Variants in CA10 observed in about 807,000 individuals in gnomAD.
The protein encoded by CA10 is carbonic anhydrase 10 (inactive), also known as carbonic anhydrase-related protein 10.
In CA10, 14 loss-of-function variants were observed where a neutral mutation model predicts 44.2. The observed-to-expected ratio is 0.32, with a 90% CI of 0.21 to 0.50. The LOEUF (loss-of-function observed/expected upper bound fraction) is 0.50, where lower values mean the gene tolerates loss of function less well. Among genes scored for constraint, CA10 ranks in the 20% least tolerant of loss-of-function variants. The pLI is 0.99. For synonymous variants in CA10, 159 were observed against 141.6 expected, an observed-to-expected ratio of 1.12 and a Z score of -0.87; for missense variants, 350 against 409.7, an observed-to-expected ratio of 0.85 and a Z score of 1.26.
At chr17:51,849,208 T>TATATAC (rs1376191104) in intron 3 of CA10, among the ~76,000 whole-genome samples, 16 of 38,590 alleles carry the variant, frequency 4.1e-4, no homozygotes, top group African/African-American at 3.1e-3. Flanking sequence ...CATATATGTA[T>TATATAC]ATATATATAT....
chr17:51,692,366 C>CCTATCTATCTATCTAT (rs71728413), intron 4 of CA10, among the ~76,000 whole-genome samples: 1 of 141,174 alleles, frequency 7.1e-6, no homozygotes, highest in Non-Finnish European at 1.5e-5. Context: ...ACCTATCCAT[C>CCTATCTATCTATCTAT]CTATCTATCT....
At chr17:51,733,059 C>G (rs527921733) in intron 4 of CA10, among the ~76,000 whole-genome samples, 1 of 152,232 alleles carries the variant, frequency 6.6e-6, no homozygotes, top group East Asian at 1.9e-4. Flanking sequence ...CATTTGAGTG[C>G]GTTTCTGTTA....
chr17:51,862,649 C>T (rs1356331042), intron 3 of CA10, among the ~76,000 whole-genome samples: 2 of 152,108 alleles, frequency 1.3e-5, no homozygotes, highest in African/African-American at 2.4e-5. Flanking sequence ...GTTTAAACAA[C>T]AGAAATTTAT....
chr17:51,901,013 T>C (rs949029000), intron 3 of CA10, among the ~76,000 whole-genome samples: 2 of 152,174 alleles, frequency 1.3e-5, no homozygotes, highest in African/African-American at 2.4e-5. Flanking sequence ...TGTCTGTCAT[T>C]TCGGCCATTT....
At chr17:51,988,075 A>G (rs898802852) in intron 2 of CA10, among the ~76,000 whole-genome samples, 28 of 152,196 alleles carry the variant, frequency 1.8e-4, no homozygotes, top group African/African-American at 6.7e-4. Flanking sequence ...GTAATGTCAT[A>G]AGGGAAATGA....
At chr17:52,079,695 C>G (rs764811053) in intron 1 of CA10, among the ~76,000 whole-genome samples, 1 of 152,116 alleles carries the variant, frequency 6.6e-6, no homozygotes, top group African/African-American at 2.4e-5. Context: ...GGTTGACAAG[C>G]CCACACGTGC....
intron 2 of CA10, among the ~76,000 whole-genome samples, chr17:51,945,448 G>T (rs950818164): frequency 1.3e-5 from 2 of 152,124 alleles, no homozygotes; most frequent in African/African-American, 4.8e-5. Context: ...GCTAAATTCA[G>T]ATTAAATCAA....
At chr17:51,671,498 G>T (rs966205974) in intron 4 of CA10, among the ~76,000 whole-genome samples, 1 of 152,076 alleles carries the variant, frequency 6.6e-6, no homozygotes, top group South Asian at 2.1e-4. Flanking sequence ...TCCACCTCCC[G>T]GGTTCACGCC....
At chr17:51,831,857 T>C (rs2143787371) in intron 3 of CA10, among the ~76,000 whole-genome samples, 1 of 152,242 alleles carries the variant, frequency 6.6e-6, no homozygotes, top group East Asian at 1.9e-4. Flanking sequence ...AACCATGCTT[T>C]ATTACAGGGG....
intron 3 of CA10, among the ~76,000 whole-genome samples, chr17:51,850,493 G>A (rs1212726444): frequency 6.6e-6 from 1 of 152,136 alleles, no homozygotes; most frequent in African/African-American, 2.4e-5. Context: ...CACTTGCAAG[G>A]GGTGAGGTCT....
intron 2 of CA10, among the ~76,000 whole-genome samples, chr17:52,059,294 G>C (rs951751140): frequency 8.5e-5 from 13 of 152,070 alleles, no homozygotes; most frequent in Admixed American, 1.3e-4. Flanking sequence ...GAGCTGGAAT[G>C]GTTCTTTGGA....
chr17:51,664,457 ACAT>A (rs1293205179), intron 4 of CA10, among the ~76,000 whole-genome samples: 1 of 151,942 alleles, frequency 6.6e-6, no homozygotes, highest in African/African-American at 2.4e-5. Context: ...AAAAAAAGGG[ACAT>A]GAACATCTCA....
At chr17:52,077,806 C>A (rs1005365531) in intron 1 of CA10, among the ~76,000 whole-genome samples, 12 of 152,130 alleles carry the variant, frequency 7.9e-5, no homozygotes, top group African/African-American at 2.9e-4. Flanking sequence ...CCTCTCTCCA[C>A]CCGATTTCCA....
At chr17:52,117,193 C>G (rs1244961037) in intron 1 of CA10, among the ~76,000 whole-genome samples, 1 of 152,218 alleles carries the variant, frequency 6.6e-6, no homozygotes, top group Non-Finnish European at 1.5e-5. Context: ...TGCCTTGCCA[C>G]TCTTAATGCA....
intron 4 of CA10, among the ~76,000 whole-genome samples, chr17:51,707,671 A>ATGTGTGTGTGTGTGTG (rs3031847): frequency 0.089 from 12,769 of 142,740 alleles, 687 homozygotes; most frequent in South Asian, 0.16. Flanking sequence ...GTGGATGAAT[A>ATGTGTGTGTGTGTGTG]TGTGTGTGTG....
chr17:51,843,821 A>G (rs774882364), intron 3 of CA10, among the ~76,000 whole-genome samples: 69 of 152,200 alleles, frequency 4.5e-4, no homozygotes, highest in Non-Finnish European at 9.3e-4. Context: ...CCTGGTTTTC[A>G]TGATTAGAGT....
At chr17:51,667,859 T>G (rs874090) in intron 4 of CA10, among the ~76,000 whole-genome samples, 3,393 of 152,218 alleles carry the variant, frequency 0.022, 131 homozygotes, top group African/African-American at 0.077. Context: ...GAGACAGCAT[T>G]TTGCTGACAG....
intron 3 of CA10, among the ~76,000 whole-genome samples, chr17:51,758,260 A>G (rs997917975): frequency 6.6e-6 from 1 of 152,246 alleles, no homozygotes; most frequent in African/African-American, 2.4e-5. Context: ...TATTAAAAGC[A>G]TTGAATCTGT....
intron 2 of CA10, among the ~76,000 whole-genome samples, chr17:51,980,245 T>A (rs948887746): frequency 2.6e-5 from 4 of 152,212 alleles, no homozygotes; most frequent in Admixed American, 6.6e-5. Flanking sequence ...AGATGGTATT[T>A]CATTGTGGTT....
Sources: gnomAD v4.1 joint callset for allele counts (sites outside exome capture counted in the v4.1 genomes callset) on GRCh38, gnomAD v4.1.1 for gene constraint, MANE v1.5 for transcripts, NCBI Gene and HGNC (gene_info 2026-07-23, HGNC 2026-07-21) for gene names.